ATPAF2: variants seen among roughly 807,000 people sequenced by gnomAD.
The protein encoded by ATPAF2 is ATP synthase mitochondrial F1 complex assembly factor 2, also known as ATP12 homolog.
In ATPAF2, 30 loss-of-function variants were observed where a neutral mutation model predicts 36.6. The observed-to-expected ratio is 0.82, with a 90% confidence interval of 0.61 to 1.11. The LOEUF (loss-of-function observed/expected upper bound fraction) is 1.11. Among genes scored for constraint, ATPAF2 ranks in the 50% most tolerant of loss-of-function variants. The probability of loss-of-function intolerance (pLI) is 0.00; values close to 1 mark genes in which losing one functional copy is unlikely to be tolerated. For missense variants in ATPAF2, 321 were observed against 372.3 expected (o/e 0.86, Z 1.13); for synonymous variants, 140 against 152.6 (o/e 0.92, Z 0.61).
chr17:18,032,943 C>A (rs2044657364), intron 1 of ATPAF2, among the ~76,000 whole-genome samples: 1 of 150,684 alleles, frequency 6.6e-6, no homozygotes, highest in Admixed American at 6.6e-5. Flanking sequence ...GTGGACTAGA[C>A]AGATGGTCAG....
At chr17:18,036,596 A>C (rs1434084739) in intron 1 of ATPAF2, among the ~76,000 whole-genome samples, 1 of 150,692 alleles carries the variant, frequency 6.6e-6, no homozygotes, top group Non-Finnish European at 1.5e-5. Flanking sequence ...AAAAGCATGC[A>C]TGGGCCTGAT....
chr17:18,026,496 T>C (rs1428426201), intron 3 of ATPAF2, 80 bp from the exon 4 acceptor site: 1 of 1,063,712 alleles, frequency 9.4e-7, no homozygotes, highest in Non-Finnish European at 1.5e-6. Flanking sequence ...ACACCACATC[T>C]GACACATAGC....
chr17:18,028,666 G>A lies in ATPAF2; in HGVS notation c.134-7C>T. The A allele has an allele frequency of 6.2e-7, 1 of 1,612,812 alleles. No homozygotes were observed. The highest frequency in any genetic ancestry group is 8.5e-7 in the Non-Finnish European group (1 of 1,179,802). On this transcript the variant is annotated splice_polypyrimidine_tract_variant and splice_region_variant and intron_variant, in intron 1 of 7. Coordinates refer to ENST00000474627, the MANE Select transcript of ATPAF2 (RefSeq NM_145691.4). ...TGATAAAACCTCTTCCTTTCTGTAA[G>A]AAAGATTTTTCAAAGAGGCAGTTTA... is the stretch of plus-strand genomic sequence containing the variant.
chr17:18,024,749 T>C, intron 4 of ATPAF2, 45 bp from the exon 5 acceptor site: 1 of 1,532,516 alleles, frequency 6.5e-7, no homozygotes, highest in Non-Finnish European at 9.0e-7. Flanking sequence ...AAAGTACAAT[T>C]CCTTCATTCA....
intron 1 of ATPAF2, among the ~76,000 whole-genome samples, chr17:18,032,219 T>C (rs1226833573): frequency 6.6e-6 from 1 of 152,218 alleles, no homozygotes; most frequent in Non-Finnish European, 1.5e-5. Flanking sequence ...AGGCCCGGTC[T>C]GGGAAGTGAA....
chr17:18,024,904 A>G, intron 4 of ATPAF2, 200 bp from the exon 5 acceptor site: 2 of 604,774 alleles, frequency 3.3e-6, no homozygotes, highest in Non-Finnish European at 5.9e-6. Context: ...AGAAATACAC[A>G]TTCTCAGGTT....
At chr17:18,017,590 G>T (rs1349037682), downstream of ATPAF2, among the ~76,000 whole-genome samples, 1 of 152,154 alleles carries the variant, frequency 6.6e-6, no homozygotes, top group Non-Finnish European at 1.5e-5. Flanking sequence ...CGCAGCCCTG[G>T]TGTCATCTGT....
At chr17:18,021,539 C>G (rs759415811) in intron 6 of ATPAF2, 9 of 634,104 alleles carry the variant, frequency 1.4e-5, no homozygotes, top group Non-Finnish European at 2.6e-5. Context: ...CTCAAGACTT[C>G]TGCTGGCGAA....
rs1023520322 is a variant in ATPAF2, at chr17:18,039,165, G to C, written c.-152C>G. 1 of 1,134,700 alleles carries C rather than the reference G, an allele frequency of 8.8e-7. No individual in the cohort carries two copies. The highest frequency in any genetic ancestry group is 2.6e-5 in the East Asian group (1 of 38,484). The allele number at this position is 1,134,700 out of a possible 1,614,324, so 70.3% of individuals were successfully genotyped here. On this transcript the variant is annotated 5_prime_UTR_variant, in exon 1 of 8. Transcript: ENST00000474627. The surrounding 1 kb of genome is among the most constrained non-coding windows in gnomAD (Gnocchi z 5.3). Reference sequence around the variant, plus strand: ...CCTCCCTTGGACGCCGCCATCTTCCGCATGACACCTACGGCGCGCCGTCGC... The same window carrying C: ...CCTCCCTTGGACGCCGCCATCTTCCCCATGACACCTACGGCGCGCCGTCGC...
Position 18,019,147 on chromosome 17 carries a change from C to CA in ATPAF2, c.733-462_733-461insT, listed in dbSNP as rs1555634109. On this transcript the variant is annotated intron_variant, in intron 7 of 7. Coordinates refer to ENST00000474627, the MANE Select transcript of ATPAF2 (RefSeq NM_145691.4). ...AGAGCAAGACCCTGTCTCAAAAACA[C>CA]CACACACACACACACACACACACAC... Among the ~76,000 whole-genome samples, 5 of 135,570 alleles carry CA rather than the reference C, an allele frequency of 3.7e-5. 1 individual carries two copies. Among genetic ancestry groups the CA allele is most frequent in the African/African-American group, 8.7e-5 (3 of 34,582 alleles). The allele number at this position is 135,570 out of a possible 152,430, so 88.9% of individuals were successfully genotyped here. A position where few individuals can be genotyped will look rare whatever the true frequency, so the allele number is the denominator to read the frequency against.
downstream of ATPAF2, chr17:18,016,194 G>A (rs2145472575): frequency 6.2e-7 from 1 of 1,613,500 alleles, no homozygotes; most frequent in South Asian, 1.1e-5. Flanking sequence ...TTAATAGACA[G>A]GGTGAGTCAA....
chr17:18,031,217 C>T (rs974785975), intron 1 of ATPAF2, among the ~76,000 whole-genome samples: 53 of 151,428 alleles, frequency 3.5e-4, no homozygotes, highest in African/African-American at 1.2e-3. Context: ...CCTCGTGATC[C>T]GCCCACCTCA....
In ATPAF2 at chr17:18,018,631, C is replaced by CGCAGCTCCT; in HGVS notation, c.779_787dup (p.Gln260_Leu262dup). ...GAGGGTGCCGGCGGCGGTGCGGGCC[C>CGCAGCTCCT]GCAGCTCCTGCAGCTCATAGTCATG... On this transcript the variant is annotated inframe_insertion, in exon 8 of 8. Transcript: ENST00000474627. 1 of 1,614,074 alleles carries CGCAGCTCCT rather than the reference C, an allele frequency of 6.2e-7. No individual in the cohort carries two copies.
Position 18,018,901 on chromosome 17 carries a change from C to G in ATPAF2, c.733-215G>C, listed in dbSNP as rs114743314. On this transcript the variant is annotated intron_variant, in intron 7 of 7. Coordinates refer to ENST00000474627, the MANE Select transcript of ATPAF2 (RefSeq NM_145691.4). ...CTGTAATCCCAGCACTCTGGGAGAC[C>G]GAGGCAGGAAGACTGCTTGAATCCA... Among the ~76,000 whole-genome samples, 3 of 152,200 alleles carry G rather than the reference C, an allele frequency of 2.0e-5. No individual in the cohort carries two copies. In the South Asian group the frequency reaches 6.2e-4, roughly 32 times the overall value.
chr17:18,031,785 A>G (rs934952617), intron 1 of ATPAF2, among the ~76,000 whole-genome samples: 1 of 152,216 alleles, frequency 6.6e-6, no homozygotes, highest in African/African-American at 2.4e-5. Context: ...ATCTCAAAAA[A>G]AAGAAAATAA....
intron 5 of ATPAF2, among the ~76,000 whole-genome samples, chr17:18,022,646 A>C (rs1442995781): frequency 7.8e-6 from 1 of 128,234 alleles, no homozygotes; most frequent in East Asian, 2.2e-4. Context: ...TTTCTACCCC[A>C]GGCTGAAGTG....
At chr17:18,028,405 G>A in intron 2 of ATPAF2, 28 bp from the exon 3 acceptor site, 1 of 1,612,202 alleles carries the variant, frequency 6.2e-7, no homozygotes, top group Non-Finnish European at 8.5e-7. Flanking sequence ...AAAACTCTCA[G>A]GGATTTGTTA....
rs2044412647 is a variant in ATPAF2 at position 18,018,260 on chromosome 17, C to G, written c.*289G>C. On this transcript the variant is annotated 3_prime_UTR_variant, in exon 8 of 8. Coordinates refer to ENST00000474627, the MANE Select transcript of ATPAF2 (RefSeq NM_145691.4). ...GCATACGTGAAAACAGGGCTCAGCA[C>G]ATTTCCAGGGTGGAGAAATATTTAA... The G allele has an allele frequency of 6.4e-6, 3 of 469,570 alleles. No homozygotes were observed. Among genetic ancestry groups the G allele is most frequent in the Non-Finnish European group, 1.2e-5 (3 of 254,482 alleles). 29.1% of individuals were successfully genotyped at this position (469,570 alleles called of 1,614,324 possible). A position where few individuals can be genotyped will look rare whatever the true frequency, so the allele number is the denominator to read the frequency against.
chr17:18,017,207 A>T (rs1203116068), downstream of ATPAF2, among the ~76,000 whole-genome samples: 3 of 128,774 alleles, frequency 2.3e-5, no homozygotes, highest in Non-Finnish European at 3.1e-5. Context: ...AAAAAAAAAA[A>T]ATGTTCATGT....
Sources: gnomAD v4.1 joint callset for allele counts (sites outside exome capture counted in the v4.1 genomes callset) on GRCh38, gnomAD v4.1.1 for gene constraint, Gnocchi (gnomAD v3.1) non-coding constraint, MANE v1.5 for transcripts, NCBI Gene and HGNC (gene_info 2026-07-23, HGNC 2026-07-21) for gene names.